The following SUFU variants were observed in gnomAD, a reference collection of about 807,000 sequenced individuals.
SUFU encodes the protein suppressor of fused homolog.
A neutral mutation model predicts 58.9 loss-of-function variants in SUFU; 7 were observed. That is an observed-to-expected ratio of 0.12 (90% confidence interval 0.07 to 0.22). The LOEUF (loss-of-function observed/expected upper bound fraction) is 0.22, where lower values mean the gene tolerates loss of function less well. Among genes scored for constraint, SUFU ranks in the 10% least tolerant of loss-of-function variants. SUFU has a pLI of 1.00. For synonymous variants in SUFU, 232 were observed against 254.8 expected (o/e 0.91, Z 0.85); for missense variants, 451 against 641.3 (o/e 0.70, Z 3.20).
intron 2 of SUFU, among the ~76,000 whole-genome samples, chr10:102,516,349 C>G (rs779254161): frequency 1.3e-5 from 2 of 151,926 alleles, no homozygotes; most frequent in African/African-American, 4.8e-5. Context: ...GCTGGGATTT[C>G]TTTTCTTTTG....
chr10:102,518,854 G>T (rs1260472397), intron 2 of SUFU, among the ~76,000 whole-genome samples: 1 of 151,404 alleles, frequency 6.6e-6, no homozygotes, highest in African/African-American at 2.4e-5. Context: ...TAAAGAAAGG[G>T]TCTGGCCGGG....
chr10:102,570,443 A>G (rs2063148558), intron 3 of SUFU, among the ~76,000 whole-genome samples: 2 of 152,038 alleles, frequency 1.3e-5, no homozygotes, highest in Admixed American at 1.3e-4. Flanking sequence ...GAGTTTCACC[A>G]TGTTGACCAG....
At chr10:102,580,355 G>A (rs981580191) in intron 3 of SUFU, among the ~76,000 whole-genome samples, 4 of 152,170 alleles carry the variant, frequency 2.6e-5, no homozygotes, top group Non-Finnish European at 4.4e-5. Context: ...CTCCTACGCT[G>A]TTTATACATC....
chr10:102,524,311 TTC>T (rs1484567807), intron 2 of SUFU, among the ~76,000 whole-genome samples: 1 of 149,088 alleles, frequency 6.7e-6, no homozygotes, highest in African/African-American at 2.5e-5. Context: ...AGCCTAATTT[TTC>T]TTTTTCTTTT....
intron 6 of SUFU, among the ~76,000 whole-genome samples, chr10:102,596,669 C>G (rs2063465261): frequency 6.6e-6 from 1 of 152,182 alleles, no homozygotes; most frequent in Non-Finnish European, 1.5e-5. Flanking sequence ...GCAGGTGTGG[C>G]CTGTTGCCTG....
intron 2 of SUFU, among the ~76,000 whole-genome samples, chr10:102,512,115 C>T (rs1304188935): frequency 6.6e-6 from 1 of 152,194 alleles, no homozygotes; most frequent in East Asian, 1.9e-4. Context: ...CAGGTTTCAT[C>T]TCTTCGCTGG....
At chr10:102,560,061 A>G (rs1323698854) in intron 3 of SUFU, among the ~76,000 whole-genome samples, 1 of 152,208 alleles carries the variant, frequency 6.6e-6, no homozygotes, top group African/African-American at 2.4e-5. Flanking sequence ...TGGTACTGAC[A>G]GACTCTAATG....
chr10:102,558,022 C>T (rs2062998972), intron 3 of SUFU, among the ~76,000 whole-genome samples: 1 of 151,572 alleles, frequency 6.6e-6, no homozygotes, highest in Non-Finnish European at 1.5e-5. Flanking sequence ...TCCTCAGCCT[C>T]CCGAGTAGCT....
intron 8 of SUFU, among the ~76,000 whole-genome samples, chr10:102,610,245 T>C (rs1554853935): frequency 6.6e-6 from 1 of 151,608 alleles, no homozygotes; most frequent in African/African-American, 2.4e-5. Context: ...ATACAAAAAT[T>C]AGCCAGGTGT....
intron 3 of SUFU, among the ~76,000 whole-genome samples, chr10:102,580,027 G>GCTCCCCCCCCCCCC (rs1378925159): frequency 4.8e-5 from 2 of 41,954 alleles, no homozygotes; most frequent in Non-Finnish European, 9.7e-5. Flanking sequence ...CTCCTCCCCC[G>GCTCCCCCCCCCCCC]CACCCCCCCC....
chr10:102,613,864 G>A (rs2063652684), intron 8 of SUFU, among the ~76,000 whole-genome samples: 1 of 152,234 alleles, frequency 6.6e-6, no homozygotes, highest in Non-Finnish European at 1.5e-5. Flanking sequence ...CAGGCAGGAG[G>A]GAGTGTGGGG....
chr10:102,597,459 A>AG (rs1442547182), intron 7 of SUFU, among the ~76,000 whole-genome samples, 166 bp downstream of exon 7: 2 of 152,262 alleles, frequency 1.3e-5, no homozygotes, highest in Non-Finnish European at 2.9e-5. Flanking sequence ...GGCGGAATTA[A>AG]GGGAGCTTTA....
chr10:102,626,900 G>A (rs1016327390), intron 10 of SUFU, among the ~76,000 whole-genome samples: 11 of 151,688 alleles, frequency 7.3e-5, no homozygotes, highest in South Asian at 2.1e-4. Flanking sequence ...TCCCTTCTGG[G>A]AGCAGCATTC....
In SUFU at chr10:102,617,821, A is replaced by C. The variant is rs2063702690; in HGVS notation, c.1296+393A>C. ...GTGGAGGCCACTCTCCAATGGCTAC[A>C]TGGAAATCCCACCAGAATTCAGACA... On this transcript the variant is annotated intron_variant, in intron 10 of 11. Coordinates refer to ENST00000369902, the MANE Select transcript of SUFU (RefSeq NM_016169.4). The surrounding 1 kb of genome is among the most constrained non-coding windows in gnomAD (Gnocchi z 4.4). The C allele has an allele frequency of 2.2e-6, 1 of 461,394 alleles. No homozygotes were observed. The highest frequency in any genetic ancestry group is 3.8e-6 in the Non-Finnish European group (1 of 262,828). The allele number at this position is 461,394 out of a possible 1,614,324, so 28.6% of individuals were successfully genotyped here.
chr10:102,534,181 C>G (rs2062708567), intron 2 of SUFU, among the ~76,000 whole-genome samples: 1 of 152,178 alleles, frequency 6.6e-6, no homozygotes, highest in African/African-American at 2.4e-5. Context: ...GTAATCCCAG[C>G]ACTTTGGGAG....
chr10:102,621,426 C>T (rs1198139257), intron 10 of SUFU, among the ~76,000 whole-genome samples: 1 of 152,190 alleles, frequency 6.6e-6, no homozygotes, highest in East Asian at 1.9e-4. Flanking sequence ...CCGCTTCTGG[C>T]CACCAGAGCC....
intron 3 of SUFU, among the ~76,000 whole-genome samples, chr10:102,564,173 G>A (rs538401370): frequency 6.6e-6 from 1 of 152,340 alleles, no homozygotes; most frequent in East Asian, 1.9e-4. Flanking sequence ...TTCAGAGTAC[G>A]TCCCCAGGTA....
chr10:102,585,743 T>G (rs978128619), intron 3 of SUFU, among the ~76,000 whole-genome samples: 28 of 152,020 alleles, frequency 1.8e-4, no homozygotes, highest in African/African-American at 6.5e-4. Flanking sequence ...GGTCTCAAAC[T>G]CCTGGCCTCA....
intron 3 of SUFU, among the ~76,000 whole-genome samples, chr10:102,567,629 T>G (rs1408953555): frequency 2.0e-5 from 3 of 152,132 alleles, no homozygotes; most frequent in African/African-American, 7.2e-5. Flanking sequence ...CAGTTGGAGC[T>G]TGAGCCAGGG....
Sources: gnomAD v4.1 joint callset for allele counts (sites outside exome capture counted in the v4.1 genomes callset) on GRCh38, gnomAD v4.1.1 for gene constraint, Gnocchi (gnomAD v3.1) non-coding constraint, MANE v1.5 for transcripts, NCBI Gene and HGNC (gene_info 2026-07-23, HGNC 2026-07-21) for gene names.